The following MDN1 variants were observed in gnomAD, a reference collection of about 807,000 sequenced individuals.
MDN1 encodes midasin AAA ATPase 1.
MDN1 carries 266 observed loss-of-function variants against 669.2 expected under a neutral mutation model. The observed-to-expected ratio is 0.40, with a 90% CI of 0.36 to 0.44. MDN1 has a LOEUF of 0.44. Among genes scored for constraint, MDN1 ranks in the 20% least tolerant of loss-of-function variants. MDN1 has a pLI of 1.00. For missense variants in MDN1, 5,940 were observed against 6,754.0 expected (o/e 0.88, Z 4.22); for synonymous variants, 2,385 against 2,457.1 (o/e 0.97, Z 0.87).
At position 89,699,019 on chromosome 6, in the gene MDN1, ATT is replaced by A; in HGVS notation, c.9012_9013del (p.Glu3004AspfsTer10). On this transcript the variant is annotated frameshift_variant, in exon 59 of 102. Transcript: ENST00000369393. LOFTEE classifies it high-confidence loss of function. The stretch of plus-strand genomic sequence containing the variant: ...AAATAACTCGGACCACAAAGATGTA[ATT>A]TCTTCAGGAGACACCTAGAAATAAA... The A allele has an allele frequency of 6.2e-7, 1 of 1,613,156 alleles. No homozygotes were observed. The highest frequency in any genetic ancestry group is 8.5e-7 in the Non-Finnish European group (1 of 1,179,492).
chr6:89,743,836 G>T, intron 29 of MDN1, 122 bp from the exon 30 acceptor site: 1 of 1,084,222 alleles, frequency 9.2e-7, no homozygotes, highest in Non-Finnish European at 1.3e-6. Context: ...AACAGTGCTG[G>T]CCAATGTGGA....
chr6:89,797,371 T>G (rs1463025958), intron 2 of MDN1, among the ~76,000 whole-genome samples: 1 of 15,852 alleles, frequency 6.3e-5, no homozygotes, highest in Non-Finnish European at 1.1e-4. Context: ...AGACTCCATC[T>G]CAAAAAAAAA....
chr6:89,707,734 G>A (rs59164000), intron 51 of MDN1, among the ~76,000 whole-genome samples: 20 of 152,310 alleles, frequency 1.3e-4, no homozygotes, highest in African/African-American at 4.3e-4. Context: ...AAACTGCACC[G>A]TGAACTCTTC....
intron 1 of MDN1, chr6:89,815,270 T>C (rs1025276916): frequency 6.7e-6 from 3 of 447,664 alleles, no homozygotes; most frequent in African/African-American, 2.0e-5. Flanking sequence ...GCGCATCTGA[T>C]AGTGACCTAG....
In MDN1 at chr6:89,793,821, T is replaced by C. The variant is rs1458919091; in HGVS notation, c.796A>G (p.Arg266Gly). ...GHLVSSDLSPRVTAVCGVVLP... is the reference protein window; with the variant it reads ...GHLVSSDLSPGVTAVCGVVLP... ...ACCACACCACAAACAGCTGTCACCCTAGGGGAGAGGTCAGACGAAACAAGA... is the reference window on the plus strand; with the variant it reads ...ACCACACCACAAACAGCTGTCACCCCAGGGGAGAGGTCAGACGAAACAAGA... Residue 266 changes from arginine (R) to glycine (G), a missense_variant, in exon 5 of 102, where the codon AGG becomes GGG. Coordinates refer to ENST00000369393, the MANE Select transcript of MDN1 (RefSeq NM_014611.3). The C allele has an allele frequency of 1.9e-6, 3 of 1,614,138 alleles. No individual in the cohort carries two copies. Among genetic ancestry groups the C allele is most frequent in the Non-Finnish European group, 2.5e-6 (3 of 1,180,008 alleles).
chr6:89,670,260 G>A (rs1339453233), intron 83 of MDN1, among the ~76,000 whole-genome samples: 8 of 138,506 alleles, frequency 5.8e-5, no homozygotes, highest in African/African-American at 1.4e-4. Flanking sequence ...TGCAACCTCC[G>A]CCTCCCCGGG....
intron 19 of MDN1, 108 bp downstream of exon 19, chr6:89,758,147 G>A (rs1385461858): frequency 8.5e-6 from 7 of 822,138 alleles, no homozygotes; most frequent in South Asian, 8.4e-5. Flanking sequence ...AGGACTGCTT[G>A]AACCGGGGAC....
intron 33 of MDN1, among the ~76,000 whole-genome samples, chr6:89,733,804 T>C (rs1481089388): frequency 2.7e-5 from 4 of 150,926 alleles, no homozygotes; most frequent in Admixed American, 2.0e-4. Context: ...AAAATGAAAA[T>C]GAAAAAATCC....
At chr6:89,740,574 GA>G (rs541481034) in intron 31 of MDN1, among the ~76,000 whole-genome samples, 196 bp from the exon 32 acceptor site, 2 of 150,872 alleles carry the variant, frequency 1.3e-5, no homozygotes, top group African/African-American at 2.4e-5. Context: ...TTCTGATCAA[GA>G]AAAAAAAACT....
Position 89,687,416 on chromosome 6 carries a change from C to T in MDN1, c.11378G>A (p.Arg3793Gln), listed in dbSNP as rs762294701. The T allele has an allele frequency of 3.7e-6, 6 of 1,613,918 alleles. No individual in the cohort carries two copies. Among genetic ancestry groups the T allele is most frequent in the Non-Finnish European group, 4.2e-6 (5 of 1,179,948 alleles). Residue 3793 changes from arginine (R) to glutamine (Q), a missense_variant, in exon 68 of 102, where the codon CGA becomes CAA. Physicochemically the swap from Arg to Gln is conservative, Grantham distance 43 (BLOSUM62 1). This residue lies in a region of MDN1 where 2,280 missense variants were observed against 2,576.3 expected (regional missense o/e 0.88). Transcript: ENST00000369393. The stretch of plus-strand genomic sequence containing the variant: ...AAGATGTTTCCGCAAAGACAAAGCT[C>T]GACTTGCATTTTCCTCCCAATCCTA... ...KAQDWEENAS[R>Q]ALSLRKHLDL...
Position 89,772,604 on chromosome 6 carries a change from G to A in MDN1, c.2052C>T (p.Thr684=). 1 of 1,614,078 alleles carries A rather than the reference G, an allele frequency of 6.2e-7. No homozygotes were observed. The highest frequency in any genetic ancestry group is 1.1e-5 in the South Asian group (1 of 91,072). The change falls in exon 14 of 102, where the codon ACC becomes ACT. Residue 684 remains threonine (T), a synonymous_variant. Coordinates refer to ENST00000369393, the MANE Select transcript of MDN1 (RefSeq NM_014611.3). Reference sequence around the variant, plus strand: ...TGTGAGCCAAGTATTGGATGGTAGAGGTTTTGCCAGTCCCGGTCTCTCCCA... The same window carrying A: ...TGTGAGCCAAGTATTGGATGGTAGAAGTTTTGCCAGTCCCGGTCTCTCCCA... The part of the protein sequence containing the change: ...LLVGETGTGK[T]STIQYLAHIT...
intron 9 of MDN1, among the ~76,000 whole-genome samples, chr6:89,782,848 T>C (rs1171812368): frequency 6.6e-6 from 1 of 152,150 alleles, no homozygotes; most frequent in African/African-American, 2.4e-5. Flanking sequence ...AGGGACCAGC[T>C]GGAGCCACGG....
In MDN1 at chr6:89,643,795, C is replaced by G. The variant is rs1374421849; in HGVS notation, c.*210G>C. The G allele has an allele frequency of 4.6e-5, 21 of 461,394 alleles. No individual in the cohort carries two copies. The highest frequency in any genetic ancestry group is 7.9e-5 in the Non-Finnish European group (21 of 264,958). The allele number at this position is 461,394 out of a possible 1,614,324, so 28.6% of individuals were successfully genotyped here. ...GATAACTCTTCTCTAGTTACGAGTT[C>G]AGGCACCTGCTGCTGCTTCCAGGTT... On this transcript the variant is annotated 3_prime_UTR_variant, in exon 102 of 102. Coordinates refer to ENST00000369393, the MANE Select transcript of MDN1 (RefSeq NM_014611.3).
chr6:89,747,562 A>G, intron 26 of MDN1, 92 bp from the exon 27 acceptor site: 1 of 1,314,364 alleles, frequency 7.6e-7, no homozygotes, highest in South Asian at 1.5e-5. Context: ...TAACAAATTT[A>G]TGCTCCCATT....
chr6:89,746,992 T>C (rs1816672994), intron 27 of MDN1, among the ~76,000 whole-genome samples: 1 of 152,236 alleles, frequency 6.6e-6, no homozygotes, highest in Admixed American at 6.5e-5. Flanking sequence ...TGTAAAGCAC[T>C]AGCCAGACTA....
At chr6:89,751,321 G>T in intron 23 of MDN1, 110 bp downstream of exon 23, 1 of 1,314,602 alleles carries the variant, frequency 7.6e-7, no homozygotes, top group Non-Finnish European at 1.0e-6. Context: ...TTGTTCAGTT[G>T]GCCAATGAAT....
chr6:89,771,323 T>C (rs1246517123), intron 15 of MDN1, among the ~76,000 whole-genome samples: 1 of 152,118 alleles, frequency 6.6e-6, no homozygotes, highest in East Asian at 1.9e-4. Flanking sequence ...AAATATCACT[T>C]CCTTCCCACT....
At chr6:89,795,747 A>G (rs999543722) in intron 2 of MDN1, among the ~76,000 whole-genome samples, 1 of 152,072 alleles carries the variant, frequency 6.6e-6, no homozygotes, top group African/African-American at 2.4e-5. Context: ...TGAGGTCAGG[A>G]GTTCTAGACA....
intron 29 of MDN1, 131 bp downstream of exon 29, chr6:89,745,134 TAAAAAAAA>T (rs60588845): frequency 7.1e-6 from 2 of 282,992 alleles, no homozygotes; most frequent in Middle Eastern, 1.2e-3. Context: ...AGTCTCTTCT[TAAAAAAAA>T]AAAAAAAAAA....
Sources: gnomAD v4.1 joint callset for allele counts (sites outside exome capture counted in the v4.1 genomes callset) on GRCh38, gnomAD v4.1.1 for gene constraint, gnomAD v4.1.1 regional missense constraint, MANE v1.5 for transcripts, NCBI Gene and HGNC (gene_info 2026-07-23, HGNC 2026-07-21) for gene names.